The following ACTL8 variants were observed in gnomAD, a reference collection of about 807,000 sequenced individuals.
The protein encoded by ACTL8 is actin like 8.
A neutral mutation model predicts 9.3 loss-of-function variants in ACTL8; 3 were observed. The observed-to-expected ratio is 0.32, with a 90% CI of 0.15 to 0.83. The LOEUF is 0.83. Ranked by LOEUF, ACTL8 falls within the 40% of genes least tolerant of loss-of-function variation. ACTL8 has a pLI of 0.57. For synonymous variants in ACTL8, 224 were observed against 205.9 expected (o/e 1.09, Z -0.75); for missense variants, 381 against 492.2 (o/e 0.77, Z 2.14).
chr1:17,755,827 G>A (rs1321082128), intron 1 of ACTL8, among the ~76,000 whole-genome samples: 1 of 151,504 alleles, frequency 6.6e-6, no homozygotes, highest in Non-Finnish European at 1.5e-5. Context: ...GCACCGCCTG[G>A]AGGGGGTTAT....
At chr1:17,822,070 C>T (rs1427880047) in intron 1 of ACTL8, among the ~76,000 whole-genome samples, 2 of 152,174 alleles carry the variant, frequency 1.3e-5, no homozygotes, top group African/African-American at 4.8e-5. Flanking sequence ...AAACTAACCA[C>T]AATCATGGAG....
At chr1:17,786,182 C>T (rs566280929) in intron 1 of ACTL8, among the ~76,000 whole-genome samples, 48 of 152,330 alleles carry the variant, frequency 3.2e-4, no homozygotes, top group African/African-American at 1.1e-3. Context: ...TCTCTCCAGC[C>T]TGTTCAGACA....
In ACTL8 at chr1:17,826,267, C is replaced by T. The variant is rs778857355; in HGVS notation, c.849C>T (p.Cys283=). ...PRAIVESVES[C]EISLRPLLVS... is the part of the protein sequence containing the mutation. The stretch of plus-strand genomic sequence containing the variant: ...CCATTGTGGAATCCGTGGAGTCCTG[C>T]GAGATCTCCCTGCGCCCCCTGCTGG... Residue 283 remains cysteine (C), a synonymous_variant, in exon 3 of 3, where the codon TGC becomes TGT. Transcript: ENST00000375406. The surrounding 1 kb of genome is among the most constrained non-coding windows in gnomAD (Gnocchi z 4.5). 6.0e-5 allele frequency: 97 copies of T among 1,612,008 alleles called. No individual in the cohort carries two copies. In the South Asian group the frequency reaches 9.8e-4, roughly 16 times the overall value.
At chr1:17,762,283 G>A (rs191417089) in intron 1 of ACTL8, among the ~76,000 whole-genome samples, 1 of 152,220 alleles carries the variant, frequency 6.6e-6, no homozygotes. Context: ...CAAATTCGTG[G>A]CAGGTCCACT....
At chr1:17,781,361 C>G (rs1325883427) in intron 1 of ACTL8, among the ~76,000 whole-genome samples, 2 of 152,006 alleles carry the variant, frequency 1.3e-5, no homozygotes, top group East Asian at 3.9e-4. Context: ...CTTCCTCAGC[C>G]TCCTGAGTAG....
At position 17,826,403 on chromosome 1, in the gene ACTL8, G is replaced by A. The variant is rs115420942; in HGVS notation, c.985G>A (p.Glu329Lys). 1.9e-6 allele frequency: 3 copies of A among 1,614,152 alleles called. No homozygotes were observed. The highest frequency in any genetic ancestry group is 4.5e-5 in the East Asian group (2 of 44,862). Residue 329 changes from glutamate to lysine, a missense_variant, in exon 3 of 3, where the codon GAG (glutamate) becomes AAG (lysine). Coordinates refer to ENST00000375406, the MANE Select transcript of ACTL8 (RefSeq NM_030812.3). This position sits in a 1 kb window ranked among gnomAD's most constrained non-coding sequence, Gnocchi z 4.5. Reference sequence around the variant, plus strand: ...CTCCTCCACCAAGGCCACAGTCTGGGAGGGTTCCAATAGAAACTTTAGTGT... The same window carrying A: ...CTCCTCCACCAAGGCCACAGTCTGGAAGGGTTCCAATAGAAACTTTAGTGT... ...HVSSTKATVW[E>K]GSNRNFSVWL...
At position 17,760,570 on chromosome 1, in the gene ACTL8, G is replaced by A. The variant is rs1017641796; in HGVS notation, c.-25+5066G>A. On this transcript the variant is annotated intron_variant, in intron 1 of 2. Transcript: ENST00000375406. ...ATGTCCTAGCTTCCCCCTGGTGCTA[G>A]CCATTATGTGTTCACAGTCCAAGAG... Among the ~76,000 whole-genome samples the A allele has an allele frequency of 3.9e-5, 6 of 152,330 alleles. No homozygotes were observed. In the East Asian group the frequency reaches 7.7e-4, roughly 20 times the overall value.
rs541654345 is a variant in ACTL8 at position 17,774,020 on chromosome 1, G to A, written c.-25+18516G>A. 1.6e-3 allele frequency among the ~76,000 whole-genome samples: 248 copies of A among 152,284 alleles called. 1 individual carries two copies. Among genetic ancestry groups the A allele is most frequent in the African/African-American group, 5.8e-3 (240 of 41,568 alleles). Reference sequence around the variant, plus strand: ...TAGACTGAGGCCAGATGGTGCAGGGGTTGGCCTGAGTTCACCTTAGCAAAT... The same window carrying A: ...TAGACTGAGGCCAGATGGTGCAGGGATTGGCCTGAGTTCACCTTAGCAAAT... On this transcript the variant is annotated intron_variant, in intron 1 of 2. Coordinates refer to ENST00000375406, the MANE Select transcript of ACTL8 (RefSeq NM_030812.3).
intron 1 of ACTL8, among the ~76,000 whole-genome samples, chr1:17,821,575 G>C (rs927214347): frequency 1.3e-5 from 2 of 151,906 alleles, no homozygotes; most frequent in South Asian, 4.2e-4. Flanking sequence ...CACTTTTTTT[G>C]TGTGTGGGCC....
chr1:17,775,272 G>C (rs1475908442), intron 1 of ACTL8, among the ~76,000 whole-genome samples: 2 of 152,194 alleles, frequency 1.3e-5, no homozygotes, highest in Non-Finnish European at 2.9e-5. Context: ...CAGCTGGGCA[G>C]GGTCCCAGGA....
chr1:17,819,249 G>A (rs1186496154), intron 1 of ACTL8, among the ~76,000 whole-genome samples: 3 of 152,234 alleles, frequency 2.0e-5, no homozygotes, highest in Admixed American at 6.5e-5. Flanking sequence ...CCCGCTTCCC[G>A]GAATGTCATG....
chr1:17,814,213 C>T (rs2066410201), intron 1 of ACTL8, among the ~76,000 whole-genome samples: 1 of 152,212 alleles, frequency 6.6e-6, no homozygotes, highest in South Asian at 2.1e-4. Context: ...CCAATACTTA[C>T]TGGCTGGATA....
chr1:17,806,808 T>C (rs960365686), intron 1 of ACTL8, among the ~76,000 whole-genome samples: 1 of 152,248 alleles, frequency 6.6e-6, no homozygotes, highest in Non-Finnish European at 1.5e-5. Flanking sequence ...CTTTTGCATC[T>C]GCATGAATCT....
chr1:17,802,711 G>T (rs1279414111), intron 1 of ACTL8, among the ~76,000 whole-genome samples: 1 of 152,136 alleles, frequency 6.6e-6, no homozygotes, highest in Non-Finnish European at 1.5e-5. Context: ...GGCTGGGCAT[G>T]GCGGCTCATA....
chr1:17,778,271 G>T (rs2066130340), intron 1 of ACTL8, among the ~76,000 whole-genome samples: 1 of 152,120 alleles, frequency 6.6e-6, no homozygotes, highest in Admixed American at 6.5e-5. Flanking sequence ...TTGGTGCAGG[G>T]CCTGCTCTTT....
At chr1:17,773,548 C>T (rs1199828050) in intron 1 of ACTL8, among the ~76,000 whole-genome samples, 1 of 152,190 alleles carries the variant, frequency 6.6e-6, no homozygotes, top group Non-Finnish European at 1.5e-5. Context: ...TAGAGTGGAG[C>T]AGCTTTGTAT....
intron 1 of ACTL8, among the ~76,000 whole-genome samples, chr1:17,814,658 C>G (rs537644190): frequency 6.6e-6 from 1 of 151,924 alleles, no homozygotes; most frequent in Non-Finnish European, 1.5e-5. Context: ...CAGGACAATA[C>G]ATACCATTAT....
chr1:17,764,569 T>C (rs11590632), intron 1 of ACTL8, among the ~76,000 whole-genome samples: 61,992 of 151,490 alleles, frequency 0.41, 13,002 homozygotes, highest in East Asian at 0.63. Context: ...AGCCTAAGCT[T>C]CTGGGCACCC....
Position 17,822,975 on chromosome 1 carries a change from G to T in ACTL8, c.-24-10G>T. 1 of 1,582,732 alleles carries T rather than the reference G, an allele frequency of 6.3e-7. No homozygotes were observed. Among genetic ancestry groups the T allele is most frequent in the Non-Finnish European group, 8.6e-7 (1 of 1,161,752 alleles). ...GCCTGCACAACTAACCCCATCCTTT[G>T]CTTCCGCAGGTCCCACCCACCTCTG... On this transcript the variant is annotated splice_polypyrimidine_tract_variant and intron_variant, in intron 1 of 2. Transcript: ENST00000375406.
Sources: allele counts gnomAD v4.1 joint callset (sites outside exome capture counted in the v4.1 genomes callset), GRCh38; gene constraint gnomAD v4.1.1; non-coding constraint Gnocchi (gnomAD v3.1); transcripts MANE v1.5; gene names NCBI Gene and HGNC (gene_info 2026-07-23, HGNC 2026-07-21).